Variants in CLIC4 observed in about 807,000 individuals in gnomAD.
CLIC4 encodes the protein chloride intracellular channel protein 4.
A neutral mutation model predicts 24.6 loss-of-function variants in CLIC4; 13 were observed. That is an observed-to-expected ratio of 0.53 (90% CI 0.34 to 0.84). The LOEUF is 0.84. Among genes scored for constraint, CLIC4 ranks in the 40% least tolerant of loss-of-function variants. The pLI, the probability that CLIC4 is intolerant of heterozygous loss-of-function variation, is 0.01. For synonymous variants in CLIC4, 104 were observed against 111.3 expected, an observed-to-expected ratio of 0.93 and a Z score of 0.41; for missense variants, 227 against 301.7, an observed-to-expected ratio of 0.75 and a Z score of 1.83.
intron 4 of CLIC4, among the ~76,000 whole-genome samples, chr1:24,835,502 G>T (rs976298239): frequency 6.6e-6 from 1 of 152,220 alleles, no homozygotes; most frequent in Admixed American, 6.5e-5. Flanking sequence ...GGCGGAGGTT[G>T]CAGCGAGCTG....
intron 2 of CLIC4, among the ~76,000 whole-genome samples, chr1:24,803,452 C>T (rs1001750142): frequency 1.3e-5 from 2 of 152,204 alleles, no homozygotes; most frequent in African/African-American, 4.8e-5. Context: ...GACATGTTCT[C>T]TTTGAATCTC....
At position 24,811,332 on chromosome 1, in the gene CLIC4, C is replaced by T. The variant is rs1207313479; in HGVS notation, c.183-2762C>T. 2.6e-5 allele frequency among the ~76,000 whole-genome samples: 4 copies of T among 152,070 alleles called. No homozygotes were observed. In the East Asian group the frequency reaches 5.8e-4, roughly 22 times the overall value. On this transcript the variant is annotated intron_variant, in intron 2 of 5. Transcript: ENST00000374379. Reference sequence around the variant, plus strand: ...TTTGGAAAATTTTACTATATGTGCACGAGAGGAGAATGAGAGTGAAAAAGG... The same window carrying T: ...TTTGGAAAATTTTACTATATGTGCATGAGAGGAGAATGAGAGTGAAAAAGG...
At chr1:24,786,776 C>A (rs1285710843) in intron 1 of CLIC4, among the ~76,000 whole-genome samples, 1 of 151,980 alleles carries the variant, frequency 6.6e-6, no homozygotes, top group Non-Finnish European at 1.5e-5. Context: ...CACCACCACA[C>A]CCGGCTAATT....
At chr1:24,811,232 A>G (rs1639611683) in intron 2 of CLIC4, among the ~76,000 whole-genome samples, 1 of 152,220 alleles carries the variant, frequency 6.6e-6, no homozygotes, top group Non-Finnish European at 1.5e-5. Flanking sequence ...ATTTTTGCAC[A>G]TCTTAGAAGA....
chr1:24,799,497 C>T (rs1437494433), intron 2 of CLIC4, among the ~76,000 whole-genome samples: 5 of 150,444 alleles, frequency 3.3e-5, no homozygotes, highest in African/African-American at 4.9e-5. Context: ...ACCCGGCAGC[C>T]ACCCCATCTG....
At chr1:24,754,852 G>A (rs866067972) in intron 1 of CLIC4, among the ~76,000 whole-genome samples, 8 of 151,904 alleles carry the variant, frequency 5.3e-5, no homozygotes, top group Non-Finnish European at 1.0e-4. Flanking sequence ...TGGGTGGATC[G>A]CCTGAGGTCA....
intron 4 of CLIC4, among the ~76,000 whole-genome samples, chr1:24,836,878 A>G (rs925683998): frequency 3.8e-4 from 58 of 152,258 alleles, no homozygotes; most frequent in African/African-American, 1.3e-3. Flanking sequence ...GAAAGTTTCT[A>G]CATGTTTGAA....
At chr1:24,783,807 CATTCT>C (rs1173494420) in intron 1 of CLIC4, among the ~76,000 whole-genome samples, 1 of 152,190 alleles carries the variant, frequency 6.6e-6, no homozygotes, top group East Asian at 1.9e-4. Context: ...TTGTCCTTGA[CATTCT>C]ATTTGGCTTA....
At chr1:24,801,637 A>G (rs966769991) in intron 2 of CLIC4, among the ~76,000 whole-genome samples, 14 of 152,338 alleles carry the variant, frequency 9.2e-5, no homozygotes, top group Admixed American at 7.2e-4. Context: ...GAATTAATCT[A>G]TGTTATCCCT....
chr1:24,830,125 A>C (rs1288402198), intron 4 of CLIC4, among the ~76,000 whole-genome samples: 1 of 152,228 alleles, frequency 6.6e-6, no homozygotes, highest in Non-Finnish European at 1.5e-5. Flanking sequence ...TACTCATTCA[A>C]ATCATACAAA....
chr1:24,808,769 C>T (rs185146328), intron 2 of CLIC4, among the ~76,000 whole-genome samples: 22 of 151,114 alleles, frequency 1.5e-4, no homozygotes, highest in African/African-American at 5.3e-4. Context: ...CTCCGCCTCT[C>T]GGGTTCAAGC....
At chr1:24,778,365 A>G (rs1013415806) in intron 1 of CLIC4, among the ~76,000 whole-genome samples, 1 of 152,198 alleles carries the variant, frequency 6.6e-6, no homozygotes, top group African/African-American at 2.4e-5. Context: ...AACTAGTTTT[A>G]TATAGTGCAT....
chr1:24,748,777 G>A (rs1252604807), intron 1 of CLIC4, among the ~76,000 whole-genome samples: 1 of 152,082 alleles, frequency 6.6e-6, no homozygotes, highest in Non-Finnish European at 1.5e-5. Context: ...GGGATTACAG[G>A]CTTGAGCCTC....
chr1:24,783,962 C>T (rs1639235642), intron 1 of CLIC4, among the ~76,000 whole-genome samples: 1 of 151,180 alleles, frequency 6.6e-6, no homozygotes, highest in African/African-American at 2.4e-5. Context: ...ATGAGGAATT[C>T]AAAGTTTAAC....
chr1:24,772,256 T>TC (rs1424791339), intron 1 of CLIC4, among the ~76,000 whole-genome samples: 7 of 150,566 alleles, frequency 4.6e-5, no homozygotes, highest in Non-Finnish European at 1.0e-4. Flanking sequence ...TTCTTCTTCT[T>TC]TTTTTTTTAA....
intron 1 of CLIC4, among the ~76,000 whole-genome samples, chr1:24,754,542 G>A (rs2124081045): frequency 6.6e-6 from 1 of 152,264 alleles, no homozygotes; most frequent in African/African-American, 2.4e-5. Flanking sequence ...AGAGGAGTAA[G>A]CTAGGATGGG....
intron 1 of CLIC4, among the ~76,000 whole-genome samples, chr1:24,793,396 C>T (rs921377222): frequency 2.0e-4 from 30 of 152,272 alleles, no homozygotes; most frequent in African/African-American, 6.3e-4. Context: ...AACCTTCCCA[C>T]ACCAGTGTTT....
intron 4 of CLIC4, among the ~76,000 whole-genome samples, chr1:24,835,408 C>G (rs150407759): frequency 6.6e-6 from 1 of 151,966 alleles, no homozygotes; most frequent in Non-Finnish European, 1.5e-5. Flanking sequence ...ACTAAAAATA[C>G]AAAAATCAGC....
At chr1:24,778,228 A>G (rs912182124) in intron 1 of CLIC4, among the ~76,000 whole-genome samples, 3 of 152,150 alleles carry the variant, frequency 2.0e-5, no homozygotes, top group African/African-American at 7.2e-5. Context: ...CTCAGTTTTG[A>G]CACTCCTCAG....
Sources: allele counts gnomAD v4.1 joint callset (sites outside exome capture counted in the v4.1 genomes callset), GRCh38; gene constraint gnomAD v4.1.1; transcripts MANE v1.5; gene names NCBI Gene and HGNC (gene_info 2026-07-23, HGNC 2026-07-21).